FSHR: variants seen among roughly 807,000 people sequenced by gnomAD.
The protein encoded by FSHR is follicle-stimulating hormone receptor.
In FSHR, 46 loss-of-function variants were observed where a neutral mutation model predicts 52.1. The observed-to-expected ratio is 0.88, with a 90% CI of 0.70 to 1.13. The LOEUF is 1.13. Ranked by LOEUF, FSHR falls within the 50% of genes most tolerant of loss-of-function variation. The probability of loss-of-function intolerance (pLI) is 0.00; values close to 1 mark genes in which losing one functional copy is unlikely to be tolerated. For missense variants in FSHR, 964 were observed against 834.6 expected, an observed-to-expected ratio of 1.16 and a Z score of -1.91; for synonymous variants, 399 against 309.6, an observed-to-expected ratio of 1.29 and a Z score of -3.03.
chr2:49,016,126 C>T (rs1447078774), intron 4 of FSHR, among the ~76,000 whole-genome samples: 1 of 152,120 alleles, frequency 6.6e-6, no homozygotes, highest in Non-Finnish European at 1.5e-5. Context: ...CCTGTTAAGT[C>T]CAGTTCTTAT....
At chr2:48,988,907 A>G in intron 6 of FSHR, 70 bp downstream of exon 6, 2 of 1,314,676 alleles carry the variant, frequency 1.5e-6, no homozygotes, top group South Asian at 1.2e-5. Flanking sequence ...AGGAGCATCC[A>G]ATTATGAGAA....
At chr2:48,996,180 C>A (rs1265133585) in intron 4 of FSHR, among the ~76,000 whole-genome samples, 1 of 152,100 alleles carries the variant, frequency 6.6e-6, no homozygotes, top group Non-Finnish European at 1.5e-5. Context: ...TACTCTTTTA[C>A]ATTTTTAATT....
Position 49,136,573 on chromosome 2 carries a change from G to C in FSHR, c.152+17693C>G, listed in dbSNP as rs139164045. On this transcript the variant is annotated intron_variant, in intron 1 of 9. Transcript: ENST00000406846. Reference sequence around the variant, plus strand: ...AACATCACAAGCAAGTAAAACTACAGACTAGTATCTCTTATGAATGTAAAT... The same window carrying C: ...AACATCACAAGCAAGTAAAACTACACACTAGTATCTCTTATGAATGTAAAT... 4.6e-5 allele frequency among the ~76,000 whole-genome samples: 7 copies of C among 152,136 alleles called. No individual in the cohort carries two copies. The East Asian group carries it at 1.4e-3, about 29-fold the overall frequency.
At chr2:49,066,980 A>G (rs1177531071) in intron 2 of FSHR, among the ~76,000 whole-genome samples, 8 of 152,040 alleles carry the variant, frequency 5.3e-5, no homozygotes, top group African/African-American at 1.9e-4. Context: ...GTTCAGCTTT[A>G]GTATCCCCAT....
At chr2:49,086,435 G>C (rs1312509648) in intron 1 of FSHR, among the ~76,000 whole-genome samples, 2 of 152,168 alleles carry the variant, frequency 1.3e-5, no homozygotes, top group African/African-American at 2.4e-5. Context: ...CAGAGTCCTT[G>C]CTGATTTGTT....
chr2:49,106,251 T>C (rs1255529853), intron 1 of FSHR, among the ~76,000 whole-genome samples: 1 of 152,106 alleles, frequency 6.6e-6, no homozygotes, highest in Non-Finnish European at 1.5e-5. Flanking sequence ...AGGGAGAAGA[T>C]ATGCAAGGGC....
chr2:49,010,820 G>T (rs1430329003), intron 4 of FSHR, among the ~76,000 whole-genome samples: 1 of 152,188 alleles, frequency 6.6e-6, no homozygotes, highest in Non-Finnish European at 1.5e-5. Flanking sequence ...TTGCGTAGAG[G>T]TGTTTGTAGT....
At chr2:49,099,873 A>G (rs72822034) in intron 1 of FSHR, among the ~76,000 whole-genome samples, 10,672 of 152,152 alleles carry the variant, frequency 0.07, 620 homozygotes, top group East Asian at 0.24. Context: ...GAGAGAATAC[A>G]TTTCTGTTGT....
chr2:48,974,998 T>C (rs933157955), intron 8 of FSHR, among the ~76,000 whole-genome samples: 1 of 151,976 alleles, frequency 6.6e-6, no homozygotes, highest in African/African-American at 2.4e-5. Flanking sequence ...GGGTGGGGGG[T>C]AGTAACAAAA....
intron 2 of FSHR, among the ~76,000 whole-genome samples, chr2:49,028,060 T>C (rs1427570291): frequency 6.6e-6 from 1 of 151,632 alleles, no homozygotes; most frequent in African/African-American, 2.4e-5. Flanking sequence ...GTTGATCAGG[T>C]CGTTTGGGTT....
chr2:49,060,814 T>TC (rs1475487666), intron 2 of FSHR, among the ~76,000 whole-genome samples: 9 of 151,902 alleles, frequency 5.9e-5, no homozygotes, highest in Middle Eastern at 3.4e-3. Context: ...ATGTACCCAC[T>TC]CCCCCCCGGC....
At chr2:49,127,314 C>T (rs1368360398) in intron 1 of FSHR, among the ~76,000 whole-genome samples, 1 of 140,926 alleles carries the variant, frequency 7.1e-6, no homozygotes, top group African/African-American at 2.6e-5. Context: ...GACAACAGAG[C>T]AAGACTTTGT....
At chr2:49,110,620 C>T (rs545522155) in intron 1 of FSHR, among the ~76,000 whole-genome samples, 1 of 152,208 alleles carries the variant, frequency 6.6e-6, no homozygotes, top group African/African-American at 2.4e-5. Flanking sequence ...TTCTGTTTCC[C>T]TGTGACAGCT....
intron 1 of FSHR, among the ~76,000 whole-genome samples, chr2:49,116,672 T>C (rs1342776871): frequency 6.6e-6 from 1 of 152,224 alleles, no homozygotes; most frequent in Non-Finnish European, 1.5e-5. Context: ...GCTTTTTATG[T>C]ACCCACAGTT....
chr2:49,106,855 C>T (rs1221229006), intron 1 of FSHR, among the ~76,000 whole-genome samples: 1 of 152,136 alleles, frequency 6.6e-6, no homozygotes, highest in Non-Finnish European at 1.5e-5. Flanking sequence ...ATGGCAAGTC[C>T]CTCAGCTCTC....
intron 2 of FSHR, among the ~76,000 whole-genome samples, chr2:49,048,264 A>T (rs1309794170): frequency 8.3e-5 from 3 of 36,048 alleles, no homozygotes; most frequent in African/African-American, 1.7e-4. Flanking sequence ...GAGGATGATA[A>T]AAAAAAAGTA....
chr2:49,041,348 A>G (rs1668475261), intron 2 of FSHR, among the ~76,000 whole-genome samples: 1 of 152,164 alleles, frequency 6.6e-6, no homozygotes, highest in Non-Finnish European at 1.5e-5. Context: ...GCTGTTTCTG[A>G]AAAGAGACAG....
chr2:49,034,641 T>C (rs984263121), intron 2 of FSHR, among the ~76,000 whole-genome samples: 1 of 152,196 alleles, frequency 6.6e-6, no homozygotes, highest in African/African-American at 2.4e-5. Flanking sequence ...ATTTAACACA[T>C]AAACACCTTT....
At chr2:48,979,544 C>A (rs542122560) in intron 8 of FSHR, among the ~76,000 whole-genome samples, 1 of 152,294 alleles carries the variant, frequency 6.6e-6, no homozygotes, top group South Asian at 2.1e-4. Context: ...GGGAATTGCC[C>A]TCAGCTGACT....
Sources: allele counts gnomAD v4.1 joint callset (sites outside exome capture counted in the v4.1 genomes callset), GRCh38; gene constraint gnomAD v4.1.1; transcripts MANE v1.5; gene names NCBI Gene and HGNC (gene_info 2026-07-23, HGNC 2026-07-21).